ABCA13: variants seen among roughly 807,000 people sequenced by gnomAD.
The protein encoded by ABCA13 is ATP binding cassette subfamily A member 13.
In ABCA13, 476 loss-of-function variants were observed where a neutral mutation model predicts 478.7. The ratio of observed to expected loss-of-function variants is 0.99; its 90% CI spans 0.92 to 1.07. ABCA13 has a LOEUF of 1.07. Ranked by LOEUF, ABCA13 falls within the 50% of genes least tolerant of loss-of-function variation. The pLI, the probability that ABCA13 is intolerant of heterozygous loss-of-function variation, is 0.00. For synonymous variants in ABCA13, 2,252 were observed against 2,158.9 expected (o/e 1.04, Z -1.20); for missense variants, 6,060 against 5,910.6 (o/e 1.03, Z -0.83).
intron 55 of ABCA13, among the ~76,000 whole-genome samples, chr7:48,536,515 G>T (rs1286828865): frequency 6.6e-6 from 1 of 152,010 alleles, no homozygotes; most frequent in Non-Finnish European, 1.5e-5. Flanking sequence ...GGGCGTGGTG[G>T]TGTGTGCCTG....
chr7:48,222,176 A>T (rs1238616093), intron 5 of ABCA13, among the ~76,000 whole-genome samples: 1 of 152,236 alleles, frequency 6.6e-6, no homozygotes. Context: ...AGTATTGAAC[A>T]AACACTCATC....
intron 55 of ABCA13, among the ~76,000 whole-genome samples, chr7:48,533,138 A>G (rs566192665): frequency 1.3e-5 from 2 of 152,170 alleles, no homozygotes; most frequent in African/African-American, 2.4e-5. Context: ...ATTTAAGGCT[A>G]TGAGCTTTCC....
chr7:48,352,421 G>A lies in ABCA13; in HGVS notation c.10622G>A (p.Gly3541Glu). 1.2e-6 allele frequency: 2 copies of A among 1,613,268 alleles called. No individual in the cohort carries two copies. The highest frequency in any genetic ancestry group is 1.7e-6 in the Non-Finnish European group (2 of 1,179,708). ...IERAIILVQTGQEALEPAAQT... is the reference protein window; with the variant it reads ...IERAIILVQTEQEALEPAAQT... Reference sequence around the variant, plus strand: ...AGAGCCATCATTTTGGTGCAGACTGGGCAGGAAGCCCTGGAACCAGCAGCA... The same window carrying A: ...AGAGCCATCATTTTGGTGCAGACTGAGCAGGAAGCCCTGGAACCAGCAGCA... The change falls in exon 31 of 62, where the codon GGG (glycine) becomes GAG (glutamate). Residue 3541 changes from glycine (G) to glutamate (E), a missense_variant. Transcript: ENST00000435803.
chr7:48,266,911 CTA>C (rs1162061171), intron 15 of ABCA13, among the ~76,000 whole-genome samples: 2 of 151,826 alleles, frequency 1.3e-5, no homozygotes, highest in East Asian at 3.8e-4. Context: ...AAAGTACTTT[CTA>C]TGTTTCCTTT....
chr7:48,410,605 C>G lies in ABCA13; in HGVS notation c.12156C>G (p.Leu4052=), dbSNP rs768101871. 3.1e-6 allele frequency: 5 copies of G among 1,613,932 alleles called. No individual in the cohort carries two copies. In the Admixed American group the frequency reaches 6.7e-5, roughly 22 times the overall value. ...DRVAVLQHGR[L]RCCGPPFCLK... Reference sequence around the variant, plus strand: ...TGGCCGTCCTCCAGCATGGGAGGCTCAGGTGCTGCGGTCCTCCCTTCTGCC... The same window carrying G: ...TGGCCGTCCTCCAGCATGGGAGGCTGAGGTGCTGCGGTCCTCCCTTCTGCC... Residue 4052 remains leucine, a synonymous_variant, in exon 40 of 62, where the codon CTC becomes CTG. Coordinates refer to ENST00000435803, the MANE Select transcript of ABCA13 (RefSeq NM_152701.5).
chr7:48,203,010 T>A (rs1265128711), intron 3 of ABCA13, among the ~76,000 whole-genome samples: 5 of 151,964 alleles, frequency 3.3e-5, no homozygotes, highest in Non-Finnish European at 5.9e-5. Context: ...CCCACGGAGG[T>A]GGGGGAAGGC....
At chr7:48,376,633 T>C (rs1373422544) in intron 35 of ABCA13, 61 bp downstream of exon 35, 5 of 1,512,546 alleles carry the variant, frequency 3.3e-6, no homozygotes, top group Non-Finnish European at 4.5e-6. Context: ...TGAATTAATA[T>C]GCATAAATAT....
chr7:48,409,907 C>T (rs1818756974), intron 39 of ABCA13, among the ~76,000 whole-genome samples: 2 of 145,900 alleles, frequency 1.4e-5, no homozygotes, highest in Non-Finnish European at 3.0e-5. Flanking sequence ...TGATGAAATC[C>T]CATGTCTACT....
chr7:48,643,896 A>G (rs1795272090), intron 60 of ABCA13, among the ~76,000 whole-genome samples: 2 of 152,158 alleles, frequency 1.3e-5, no homozygotes, highest in South Asian at 4.1e-4. Context: ...ACAGGCCCCA[A>G]CCTATTGAAT....
chr7:48,592,420 C>T (rs902053039), intron 57 of ABCA13, among the ~76,000 whole-genome samples: 1 of 151,712 alleles, frequency 6.6e-6, no homozygotes, highest in Admixed American at 6.6e-5. Flanking sequence ...TAGTATCATA[C>T]CATGGTGGTC....
intron 48 of ABCA13, among the ~76,000 whole-genome samples, chr7:48,501,064 G>A (rs553056328): frequency 7.9e-4 from 121 of 152,244 alleles, no homozygotes; most frequent in Non-Finnish European, 1.4e-3. Flanking sequence ...CAGTGCCCCG[G>A]TTTTCACCAC....
Position 48,372,296 on chromosome 7 carries a change from C to G in ABCA13, c.10932C>G (p.His3644Gln), listed in dbSNP as rs1812756730. Residue 3644 changes from histidine to glutamine, a missense_variant, in exon 33 of 62, where the codon CAC becomes CAG. This residue lies in a region of ABCA13 where 4,423 missense variants were observed against 4,309.1 expected (regional missense o/e 1.03). Coordinates refer to ENST00000435803, the MANE Select transcript of ABCA13 (RefSeq NM_152701.5). ...IVLKTSGIFA[H>Q]SNTFIVFLFL... ...TGAAAACAAGTGGCATCTTTGCACA[C>G]AGCAATACCTTTATTGTTTTCCTCT... 2 of 1,613,924 alleles carry G rather than the reference C, an allele frequency of 1.2e-6. No individual in the cohort carries two copies. The highest frequency in any genetic ancestry group is 1.7e-6 in the Non-Finnish European group (2 of 1,179,856).
chr7:48,531,674 G>A (rs961937428), intron 55 of ABCA13, among the ~76,000 whole-genome samples: 3 of 149,512 alleles, frequency 2.0e-5, no homozygotes, highest in Non-Finnish European at 4.5e-5. Flanking sequence ...TCTTTCAGCA[G>A]TGTTTTTTAC....
Position 48,293,204 on chromosome 7 carries a change from C to CAA in ABCA13, c.8956-2496_8956-2495insAA, listed in dbSNP as rs1216544431. Among the ~76,000 whole-genome samples the CAA allele has an allele frequency of 1.9e-4, 25 of 131,522 alleles. 1 individual carries two copies. In the South Asian group the frequency reaches 2.9e-3, roughly 15 times the overall value. The allele number at this position is 131,522 out of a possible 152,430, so 86.3% of individuals were successfully genotyped here. A position where few individuals can be genotyped will look rare whatever the true frequency, so the allele number is the denominator to read the frequency against. On this transcript the variant is annotated intron_variant, in intron 20 of 61. Coordinates refer to ENST00000435803, the MANE Select transcript of ABCA13 (RefSeq NM_152701.5). ...TGAGAAGTCTTCAGCCCCCCCCCCG[C>CAA]CACACACACACTAAATCTACCTCAG... is the stretch of plus-strand genomic sequence containing the variant.
chr7:48,500,866 C>T (rs1193840117), intron 48 of ABCA13, among the ~76,000 whole-genome samples: 2 of 152,218 alleles, frequency 1.3e-5, no homozygotes, highest in Admixed American at 1.3e-4. Flanking sequence ...CACCCAACCT[C>T]TTAGGTGACC....
chr7:48,201,977 C>A (rs561894872), intron 3 of ABCA13, among the ~76,000 whole-genome samples: 1 of 152,038 alleles, frequency 6.6e-6, no homozygotes, highest in East Asian at 1.9e-4. Flanking sequence ...AGTGTTACAG[C>A]TCTTAACACG....
intron 35 of ABCA13, among the ~76,000 whole-genome samples, chr7:48,381,475 C>G (rs1468835479): frequency 3.9e-5 from 6 of 152,098 alleles, no homozygotes; most frequent in Non-Finnish European, 7.4e-5. Context: ...AGTATGACCC[C>G]AGCATTTCTC....
Position 48,234,031 on chromosome 7 carries a change from C to G in ABCA13, c.777C>G (p.His259Gln). The change falls in exon 8 of 62, where the codon CAC (histidine) becomes CAG (glutamine). Residue 259 changes from histidine (H) to glutamine (Q), a missense_variant. By Grantham distance (24) the His-to-Gln change is conservative (BLOSUM62 0). Coordinates refer to ENST00000435803, the MANE Select transcript of ABCA13 (RefSeq NM_152701.5). ...HGVAVTEPVYHLSMQNIVWDP... is the reference protein window; with the variant it reads ...HGVAVTEPVYQLSMQNIVWDP... Reference sequence around the variant, plus strand: ...TTATTCCAACAGAGCCAGTTTACCACCTGTCCATGCAGAATATAGTGTGGG... The same window carrying G: ...TTATTCCAACAGAGCCAGTTTACCAGCTGTCCATGCAGAATATAGTGTGGG... 6.2e-7 allele frequency: 1 copy of G among 1,613,998 alleles called. No individual in the cohort carries two copies. The highest frequency in any genetic ancestry group is 8.5e-7 in the Non-Finnish European group (1 of 1,179,882).
chr7:48,291,838 G>T (rs74825936), intron 20 of ABCA13, among the ~76,000 whole-genome samples: 1 of 152,006 alleles, frequency 6.6e-6, no homozygotes, highest in African/African-American at 2.4e-5. Context: ...CCTCACCTCC[G>T]GCTTCTGAGC....
Sources: gnomAD v4.1 joint callset for allele counts (sites outside exome capture counted in the v4.1 genomes callset) on GRCh38, gnomAD v4.1.1 for gene constraint, gnomAD v4.1.1 regional missense constraint, MANE v1.5 for transcripts, NCBI Gene and HGNC (gene_info 2026-07-23, HGNC 2026-07-21) for gene names.